The following XYLB variants were observed in gnomAD, a reference collection of about 807,000 sequenced individuals.
XYLB encodes the protein xylulose kinase.
XYLB carries 62 observed loss-of-function variants against 78.7 expected under a neutral mutation model. The ratio of observed to expected loss-of-function variants is 0.79; its 90% CI spans 0.64 to 0.97. The LOEUF (loss-of-function observed/expected upper bound fraction) is 0.97, where lower values mean the gene tolerates loss of function less well. Among genes scored for constraint, XYLB ranks in the 50% least tolerant of loss-of-function variants. The pLI, the probability that XYLB is intolerant of heterozygous loss-of-function variation, is 0.00. For synonymous variants in XYLB, 245 were observed against 247.4 expected, an observed-to-expected ratio of 0.99 and a Z score of 0.09; for missense variants, 687 against 676.8, an observed-to-expected ratio of 1.02 and a Z score of -0.17.
At chr3:38,403,319 A>T (rs1408578315) in intron 18 of XYLB, among the ~76,000 whole-genome samples, 1 of 151,706 alleles carries the variant, frequency 6.6e-6, no homozygotes, top group Admixed American at 6.6e-5. Context: ...TACTAATATG[A>T]TATTTTACAT....
chr3:38,423,104 G>A (rs571103867), downstream of XYLB, among the ~76,000 whole-genome samples: 10 of 152,158 alleles, frequency 6.6e-5, no homozygotes, highest in Non-Finnish European at 8.8e-5. Flanking sequence ...ATGGAGTCTC[G>A]CTCTGCTGCC....
intron 6 of XYLB, 67 bp downstream of exon 6, chr3:38,365,803 C>A: frequency 6.6e-7 from 1 of 1,520,628 alleles, no homozygotes; most frequent in Non-Finnish European, 8.9e-7. Context: ...TAGTGGGTGA[C>A]CTGCCTCTGG....
intron 2 of XYLB, 84 bp downstream of exon 2, chr3:38,348,716 T>G: frequency 7.8e-7 from 1 of 1,282,156 alleles, no homozygotes; most frequent in Non-Finnish European, 1.1e-6. Flanking sequence ...CAGACCGCAC[T>G]GTTGAGGCTT....
downstream of XYLB, among the ~76,000 whole-genome samples, chr3:38,418,176 C>A (rs1348813079): frequency 8.9e-5 from 11 of 123,076 alleles, no homozygotes; most frequent in Admixed American, 9.6e-5. Flanking sequence ...GCCTGGGTGA[C>A]AGAGCAAGAC....
At chr3:38,358,517 G>T (rs567911892) in intron 2 of XYLB, among the ~76,000 whole-genome samples, 4 of 151,738 alleles carry the variant, frequency 2.6e-5, no homozygotes, top group Non-Finnish European at 5.9e-5. Context: ...GCTAATTTTT[G>T]TATTTTTGTA....
downstream of XYLB, chr3:38,415,055 C>T (rs924162928): frequency 3.9e-5 from 6 of 152,176 alleles, no homozygotes; most frequent in African/African-American, 1.4e-4. Flanking sequence ...ATGATTAGCT[C>T]TGAGACATAG....
the XYLB span, among the ~76,000 whole-genome samples, chr3:38,434,668 A>G: frequency 6.6e-5 from 10 of 152,212 alleles, no homozygotes; most frequent in Admixed American, 1.3e-4. Context: ...AGGAAGAGAA[A>G]GAGCTCAAAT....
the XYLB span, among the ~76,000 whole-genome samples, chr3:38,431,130 A>G: frequency 2.0e-5 from 3 of 152,194 alleles, no homozygotes; most frequent in African/African-American, 7.2e-5. Context: ...CATTGAATCT[A>G]TAAATTACCT....
rs766250429 is a variant in XYLB, at chr3:38,376,967, T to C, written c.1170T>C (p.His390=). Residue 390 remains histidine, a synonymous_variant, in exon 14 of 19, where the codon CAT becomes CAC. Coordinates refer to ENST00000207870, the MANE Select transcript of XYLB (RefSeq NM_005108.4). The part of the protein sequence containing the change: ...MEITPEIIGR[H]RFNTENHKVA... ...TCACCCCTGAAATTATTGGACGTCA[T>C]AGGTTTAACACAGAAAACCACAAGG... The C allele has an allele frequency of 5.6e-6, 9 of 1,614,018 alleles. No individual in the cohort carries two copies. The Admixed American group carries it at 1.2e-4, about 21-fold the overall frequency.
At chr3:38,419,603 T>TATATATATATATATATATATATATATGA (rs71085322), downstream of XYLB, among the ~76,000 whole-genome samples, 1 of 80,888 alleles carries the variant, frequency 1.2e-5, no homozygotes, top group Non-Finnish European at 3.1e-5. Flanking sequence ...TATATATATA[T>TATATATATATATATATATATATATATGA]AATAGCCATC....
At chr3:38,390,478 T>C (rs1019812147) in intron 15 of XYLB, among the ~76,000 whole-genome samples, 2 of 152,116 alleles carry the variant, frequency 1.3e-5, no homozygotes, top group African/African-American at 4.8e-5. Flanking sequence ...CCTCCCAAAC[T>C]GTTGGGATTA....
At chr3:38,372,369 GGGTT>G in intron 9 of XYLB, 2 of 985,062 alleles carry the variant, frequency 2.0e-6, no homozygotes, top group South Asian at 9.4e-5. Flanking sequence ...CACAAGTTAG[GGGTT>G]GGTTTGTTCT....
At chr3:38,430,430 A>C in the XYLB span, among the ~76,000 whole-genome samples, 1 of 152,134 alleles carries the variant, frequency 6.6e-6, no homozygotes. Flanking sequence ...AATTTGTTTA[A>C]GTTCTTTGTA....
At chr3:38,395,338 G>T (rs1277321771) in intron 15 of XYLB, among the ~76,000 whole-genome samples, 167 bp from the exon 16 acceptor site, 1 of 152,182 alleles carries the variant, frequency 6.6e-6, no homozygotes, top group African/African-American at 2.4e-5. Flanking sequence ...AATGTGACAG[G>T]CCTGCACACA....
chr3:38,432,266 AAAAG>A, the XYLB span, among the ~76,000 whole-genome samples: 4 of 152,254 alleles, frequency 2.6e-5, no homozygotes, highest in African/African-American at 9.6e-5. Context: ...CTGTAAAATC[AAAAG>A]AAAGATAGTT....
At position 38,374,454 on chromosome 3, in the gene XYLB, A is replaced by T. The variant is rs368435668; in HGVS notation, c.848-8A>T. 21 of 1,613,816 alleles carry T rather than the reference A, an allele frequency of 1.3e-5. No homozygotes were observed. The highest frequency in any genetic ancestry group is 1.7e-5 in the Non-Finnish European group (20 of 1,179,948). ...CCAGCTAACCAGAAGCTCCCCTCCC[A>T]TTCTCAGCGTCGCTGGCAGGCATGA... On this transcript the variant is annotated splice_region_variant and splice_polypyrimidine_tract_variant and intron_variant, in intron 10 of 18. Transcript: ENST00000207870.
At chr3:38,417,427 G>A (rs1053424888), downstream of XYLB, among the ~76,000 whole-genome samples, 1 of 152,084 alleles carries the variant, frequency 6.6e-6, no homozygotes, top group Non-Finnish European at 1.5e-5. Context: ...TGTGAGTGAG[G>A]CTTTTGGTAC....
chr3:38,361,895 C>T (rs989084338), intron 3 of XYLB, among the ~76,000 whole-genome samples: 1 of 152,180 alleles, frequency 6.6e-6, no homozygotes, highest in Non-Finnish European at 1.5e-5. Flanking sequence ...TCTTCTCTGC[C>T]CTCAGGAAAA....
Position 38,376,117 on chromosome 3 carries a change from C to T in XYLB, c.1005C>T (p.Cys335=), listed in dbSNP as rs758635160. ...CTCAGAGCTATGCCCTCTTCTGCAG[C>T]TTTAAAAATGGCTCCCTCATGAGAG... is the stretch of plus-strand genomic sequence containing the variant. ...VDSQHYMALL[C]FKNGSLMREK... Residue 335 remains cysteine (C), a splice_region_variant and synonymous_variant, in exon 13 of 19, where the codon TGC becomes TGT. Transcript: ENST00000207870. 1 of 1,609,448 alleles carries T rather than the reference C, an allele frequency of 6.2e-7. No individual in the cohort carries two copies. The highest frequency in any genetic ancestry group is 8.5e-7 in the Non-Finnish European group (1 of 1,175,890).
Sources: gnomAD v4.1 joint callset for allele counts (sites outside exome capture counted in the v4.1 genomes callset) on GRCh38, gnomAD v4.1.1 for gene constraint, MANE v1.5 for transcripts, NCBI Gene and HGNC (gene_info 2026-07-23, HGNC 2026-07-21) for gene names.